The following COPG2 variants were observed in gnomAD, a reference collection of about 807,000 sequenced individuals.
The protein encoded by COPG2 is coat protein complex I subunit gamma 2, also known as coatomer subunit gamma-2.
In COPG2, 37 loss-of-function variants were observed where a neutral mutation model predicts 46.3. The observed-to-expected ratio is 0.80, with a 90% confidence interval of 0.61 to 1.05. The LOEUF is 1.05. Ranked by LOEUF, COPG2 falls within the 50% of genes least tolerant of loss-of-function variation. The probability of loss-of-function intolerance (pLI) is 0.00; values close to 1 mark genes in which losing one functional copy is unlikely to be tolerated. For synonymous variants in COPG2, 159 were observed against 129.7 expected (o/e 1.23, Z -1.53); for missense variants, 427 against 387.8 (o/e 1.10, Z -0.85).
At chr7:130,639,796 T>C (rs1469684355) in intron 5 of COPG2, among the ~76,000 whole-genome samples, 3 of 152,194 alleles carry the variant, frequency 2.0e-5, no homozygotes, top group African/African-American at 7.2e-5. Flanking sequence ...TTTTTTCCCA[T>C]ACCATCTGGC....
intron 5 of COPG2, among the ~76,000 whole-genome samples, chr7:130,648,795 T>C (rs1426559359): frequency 1.3e-5 from 2 of 152,222 alleles, no homozygotes; most frequent in Non-Finnish European, 2.9e-5. Flanking sequence ...CTTCCTTCCT[T>C]TTTCATAAAG....
At chr7:130,545,003 A>C (rs1793414835) in intron 20 of COPG2, among the ~76,000 whole-genome samples, 1 of 152,130 alleles carries the variant, frequency 6.6e-6, no homozygotes, top group Non-Finnish European at 1.5e-5. Context: ...TAGATCAAAG[A>C]AAGGAATAAT....
chr7:130,659,834 C>T (rs1795939660), intron 4 of COPG2, among the ~76,000 whole-genome samples: 1 of 152,140 alleles, frequency 6.6e-6, no homozygotes, highest in African/African-American at 2.4e-5. Context: ...ATCGCTCAAA[C>T]CCGGGAGGCG....
chr7:130,576,473 G>C (rs1452370768), intron 9 of COPG2, among the ~76,000 whole-genome samples: 1 of 152,124 alleles, frequency 6.6e-6, no homozygotes, highest in Non-Finnish European at 1.5e-5. Context: ...GTAAGCATTG[G>C]GTCAACATGA....
chr7:130,561,265 T>G (rs1028971701), intron 11 of COPG2, 44 bp from the exon 12 acceptor site: 1 of 398,336 alleles, frequency 2.5e-6, no homozygotes, highest in Non-Finnish European at 4.4e-6. Context: ...TTGCTTTTGA[T>G]AAAGGCCAGA....
At chr7:130,650,812 A>T (rs1795721951) in intron 5 of COPG2, among the ~76,000 whole-genome samples, 1 of 152,214 alleles carries the variant, frequency 6.6e-6, no homozygotes, top group African/African-American at 2.4e-5. Flanking sequence ...TCTAGCCTTG[A>T]ATATGGTACA....
At chr7:130,657,316 G>A (rs1795877050) in intron 4 of COPG2, among the ~76,000 whole-genome samples, 1 of 152,074 alleles carries the variant, frequency 6.6e-6, no homozygotes, top group African/African-American at 2.4e-5. Flanking sequence ...AAAAGGAAGA[G>A]GCAGTGGATG....
intron 9 of COPG2, among the ~76,000 whole-genome samples, chr7:130,577,516 C>A (rs1385374118): frequency 6.6e-5 from 10 of 151,894 alleles, no homozygotes; most frequent in Non-Finnish European, 1.2e-4. Flanking sequence ...AATCCCAGCA[C>A]TTTGGGAGGC....
chr7:130,587,470 G>A (rs1794299155), intron 9 of COPG2, among the ~76,000 whole-genome samples: 1 of 151,828 alleles, frequency 6.6e-6, no homozygotes, highest in South Asian at 2.1e-4. Context: ...ACTTGCTTTT[G>A]AATAAAAATT....
At chr7:130,584,441 G>C (rs1455894798) in intron 9 of COPG2, among the ~76,000 whole-genome samples, 1 of 151,950 alleles carries the variant, frequency 6.6e-6, no homozygotes, top group Non-Finnish European at 1.5e-5. Flanking sequence ...CTTCAACATA[G>C]AAGTTGTAGC....
At chr7:130,629,209 T>C (rs918403977) in intron 5 of COPG2, among the ~76,000 whole-genome samples, 1 of 152,162 alleles carries the variant, frequency 6.6e-6, no homozygotes, top group Non-Finnish European at 1.5e-5. Flanking sequence ...TAAAATTTTC[T>C]ATTTAAATTT....
At chr7:130,660,174 A>G (rs1554460516) in intron 4 of COPG2, among the ~76,000 whole-genome samples, 2 of 152,174 alleles carry the variant, frequency 1.3e-5, no homozygotes, top group Non-Finnish European at 2.9e-5. Context: ...CTAAGGAATC[A>G]TTAAAACTAA....
chr7:130,643,687 G>A (rs1295866931), intron 5 of COPG2, among the ~76,000 whole-genome samples: 2 of 152,094 alleles, frequency 1.3e-5, no homozygotes, highest in Admixed American at 6.5e-5. Flanking sequence ...GCTACGCATC[G>A]TGGTTTACGC....
At chr7:130,527,185 G>C (rs1456697213) in intron 20 of COPG2, among the ~76,000 whole-genome samples, 11 of 151,740 alleles carry the variant, frequency 7.2e-5, no homozygotes, top group African/African-American at 2.7e-4. Context: ...CATATGGGTA[G>C]GTGGGGCCAC....
At chr7:130,589,990 C>T (rs1279427440) in intron 9 of COPG2, among the ~76,000 whole-genome samples, 2 of 151,968 alleles carry the variant, frequency 1.3e-5, no homozygotes, top group East Asian at 1.9e-4. Flanking sequence ...ATTTTTTAAT[C>T]GTAAAAGACG....
At chr7:130,536,691 TG>T (rs1799883324) in intron 20 of COPG2, among the ~76,000 whole-genome samples, 2 of 152,068 alleles carry the variant, frequency 1.3e-5, no homozygotes, top group African/African-American at 4.8e-5. Context: ...CTGTCAGGTG[TG>T]GGAACACAGT....
intron 9 of COPG2, among the ~76,000 whole-genome samples, chr7:130,577,412 G>A (rs1172400621): frequency 2.0e-5 from 3 of 152,174 alleles, no homozygotes; most frequent in East Asian, 1.9e-4. Flanking sequence ...GGTGATGGAC[G>A]CACCTGGAAA....
At chr7:130,547,976 T>C in intron 19 of COPG2, 131 bp from the exon 20 acceptor site, 1 of 397,362 alleles carries the variant, frequency 2.5e-6, no homozygotes, top group Non-Finnish European at 4.4e-6. Flanking sequence ...CTCCTAAGAT[T>C]CTTCTTTTGG....
chr7:130,563,755 C>CAAAAAAAA (rs1239944614), intron 10 of COPG2, among the ~76,000 whole-genome samples: 22 of 88,992 alleles, frequency 2.5e-4, no homozygotes, highest in Non-Finnish European at 3.2e-4. Flanking sequence ...GACTCCGTCT[C>CAAAAAAAA]AAAAAAAAAA....
Sources: allele counts gnomAD v4.1 joint callset (sites outside exome capture counted in the v4.1 genomes callset), GRCh38; gene constraint gnomAD v4.1.1; transcripts MANE v1.5; gene names NCBI Gene and HGNC (gene_info 2026-07-23, HGNC 2026-07-21).